The following TPTE2 variants were observed in gnomAD, a reference collection of about 807,000 sequenced individuals.
The protein encoded by TPTE2 is transmembrane phosphoinositide 3-phosphatase and tensin homolog 2.
TPTE2 carries 53 observed loss-of-function variants against 78.6 expected under a neutral mutation model. The ratio of observed to expected loss-of-function variants is 0.67; its 90% CI spans 0.54 to 0.85. TPTE2 has a LOEUF of 0.85. TPTE2 is among the 40% of genes least tolerant of loss of function. TPTE2 has a pLI of 0.00. For missense variants in TPTE2, 461 were observed against 623.0 expected (o/e 0.74, Z 2.77); for synonymous variants, 175 against 206.2 (o/e 0.85, Z 1.30).
At chr13:19,497,473 C>T (rs752382878) in intron 1 of TPTE2, among the ~76,000 whole-genome samples, 1,086 of 107,004 alleles carry the variant, frequency 0.01, 8 homozygotes, top group Non-Finnish European at 0.016. Context: ...AGACTGCCTC[C>T]TCAAGTGGGT....
the TPTE2 span, chr13:19,552,682 C>G: frequency 1.6e-6 from 1 of 644,408 alleles, no homozygotes. Context: ...AACTGCTTAG[C>G]AAATTCCACA....
intron 3 of TPTE2, among the ~76,000 whole-genome samples, chr13:19,491,748 C>T (rs1881000780): frequency 6.6e-6 from 1 of 152,056 alleles, no homozygotes; most frequent in African/African-American, 2.4e-5. Flanking sequence ...TCGCTTGAAC[C>T]CGGGAGATGG....
chr13:19,547,714 A>AATAT, the TPTE2 span, among the ~76,000 whole-genome samples: 57,860 of 106,264 alleles, frequency 0.54, 16,260 homozygotes, highest in East Asian at 0.69. Context: ...CTAAGTAATA[A>AATAT]ATATACATAT....
intron 1 of TPTE2, among the ~76,000 whole-genome samples, chr13:19,520,658 T>G (rs1454919001): frequency 1.3e-5 from 2 of 152,124 alleles, no homozygotes; most frequent in Non-Finnish European, 2.9e-5. Context: ...CAGTTTGCCC[T>G]TCTTCTAGTT....
chr13:19,437,575 A>T (rs2137495224), intron 14 of TPTE2, among the ~76,000 whole-genome samples: 1 of 152,268 alleles, frequency 6.6e-6, no homozygotes, highest in Middle Eastern at 3.4e-3. Context: ...GAATTTATCT[A>T]ATTAAGCTTG....
intron 10 of TPTE2, among the ~76,000 whole-genome samples, chr13:19,456,884 A>G (rs1878569299): frequency 6.6e-6 from 1 of 152,208 alleles, no homozygotes; most frequent in Non-Finnish European, 1.5e-5. Context: ...GTTTTTAAAC[A>G]AAGAAGTACA....
chr13:19,479,099 G>A (rs1327447721), intron 4 of TPTE2, among the ~76,000 whole-genome samples: 1 of 152,108 alleles, frequency 6.6e-6, no homozygotes, highest in African/African-American at 2.4e-5. Context: ...CATGGCACAT[G>A]CATAAATATG....
intron 1 of TPTE2, among the ~76,000 whole-genome samples, chr13:19,524,019 G>A (rs946682911): frequency 2.6e-5 from 4 of 152,174 alleles, no homozygotes; most frequent in Non-Finnish European, 5.9e-5. Flanking sequence ...TTTTTAAAAA[G>A]CTGGGAATGA....
Position 19,465,448 on chromosome 13 carries a change from A to C in TPTE2, c.612+17T>G. 1 of 1,609,252 alleles carries C rather than the reference A, an allele frequency of 6.2e-7. No individual in the cohort carries two copies. The highest frequency in any genetic ancestry group is 8.5e-7 in the Non-Finnish European group (1 of 1,178,394). ...CAAAATATTTTTCTGAATCATAAGC[A>C]TGTTTTGCCCACTTACCAGCCTTCT... On this transcript the variant is annotated intron_variant, in intron 8 of 19. Transcript: ENST00000400230.
chr13:19,496,282 A>G (rs1203689879), intron 1 of TPTE2, among the ~76,000 whole-genome samples: 1 of 152,234 alleles, frequency 6.6e-6, no homozygotes, highest in African/African-American at 2.4e-5. Flanking sequence ...TATGACTGCA[A>G]CACATACTTC....
the TPTE2 span, among the ~76,000 whole-genome samples, chr13:19,547,720 C>CATATATATAT: frequency 0.014 from 1,633 of 118,824 alleles, 40 homozygotes; most frequent in Middle Eastern, 0.018. Flanking sequence ...AATAAATATA[C>CATATATATAT]ATATATATAT....
the TPTE2 span, chr13:19,560,318 G>T: frequency 1.3e-5 from 18 of 1,397,268 alleles, no homozygotes; most frequent in Non-Finnish European, 1.6e-5. Flanking sequence ...TACTCCCCTC[G>T]CTCCAGCCGC....
intron 10 of TPTE2, among the ~76,000 whole-genome samples, chr13:19,460,000 TG>T (rs1418683952): frequency 6.6e-6 from 1 of 152,164 alleles, no homozygotes; most frequent in Non-Finnish European, 1.5e-5. Context: ...GCCATGGAAA[TG>T]GGGCCTGCAG....
chr13:19,528,917 C>T (rs1256434969), intron 1 of TPTE2, among the ~76,000 whole-genome samples: 1 of 151,880 alleles, frequency 6.6e-6, no homozygotes, highest in Non-Finnish European at 1.5e-5. Flanking sequence ...GTCAGGAGTT[C>T]AAGACCAGCC....
chr13:19,464,720 A>G (rs1879153294), intron 9 of TPTE2, among the ~76,000 whole-genome samples, 200 bp from the exon 13 acceptor site: 1 of 152,220 alleles, frequency 6.6e-6, no homozygotes. Flanking sequence ...ACTGGCATGG[A>G]GTTCTTAAGT....
chr13:19,503,390 C>T (rs1207050146), upstream of TPTE2: 13 of 1,116,676 alleles, frequency 1.2e-5, no homozygotes, highest in African/African-American at 2.0e-4. Flanking sequence ...TTTGACTATT[C>T]ATGTGTATAG....
chr13:19,542,749 CT>C, the TPTE2 span, among the ~76,000 whole-genome samples: 4 of 152,120 alleles, frequency 2.6e-5, no homozygotes, highest in African/African-American at 9.7e-5. Context: ...AATCCCAACA[CT>C]TTGGGGGTCT....
At chr13:19,469,014 T>C (rs951666176) in intron 6 of TPTE2, among the ~76,000 whole-genome samples, 2 of 152,206 alleles carry the variant, frequency 1.3e-5, no homozygotes, top group African/African-American at 4.8e-5. Flanking sequence ...ACGAAGCAGT[T>C]TTTTAACTTG....
the TPTE2 span, among the ~76,000 whole-genome samples, chr13:19,557,622 C>G: frequency 6.6e-6 from 1 of 152,164 alleles, no homozygotes; most frequent in Non-Finnish European, 1.5e-5. Flanking sequence ...CCAAATTATT[C>G]TTTAGTCTCT....
Sources: gnomAD v4.1 joint callset for allele counts (sites outside exome capture counted in the v4.1 genomes callset) on GRCh38, gnomAD v4.1.1 for gene constraint, MANE v1.5 for transcripts, NCBI Gene and HGNC (gene_info 2026-07-23, HGNC 2026-07-21) for gene names.